The following IRAG2 variants were observed in gnomAD, a reference collection of about 807,000 sequenced individuals.
IRAG2 encodes lymphoid restricted membrane protein.
Under a neutral mutation model 69.9 loss-of-function variants are expected in IRAG2, and 45 were observed. The observed-to-expected ratio is 0.64, with a 90% CI of 0.51 to 0.83. The LOEUF is 0.83. Among genes scored for constraint, IRAG2 ranks in the 40% least tolerant of loss-of-function variants. The pLI is 0.00. For missense variants in IRAG2, 520 were observed against 587.0 expected (o/e 0.89, Z 1.18); for synonymous variants, 193 against 202.4 (o/e 0.95, Z 0.40).
chr12:25,106,815 C>T (rs948792465), intron 20 of IRAG2, 128 bp from the exon 21 acceptor site: 17 of 371,940 alleles, frequency 4.6e-5, no homozygotes, highest in African/African-American at 2.7e-4. Flanking sequence ...AGATATTTAT[C>T]GACTTTCCCT....
intron 12 of IRAG2, 37 bp from the exon 13 acceptor site, chr12:25,089,726 G>A (rs1271760138): frequency 8.1e-6 from 13 of 1,611,882 alleles, no homozygotes; most frequent in Non-Finnish European, 1.1e-5. Context: ...TTTTCTGTTG[G>A]ATTATGTTTA....
chr12:25,073,479 C>T (rs1315348778), intron 6 of IRAG2, among the ~76,000 whole-genome samples: 1 of 152,182 alleles, frequency 6.6e-6, no homozygotes, highest in Non-Finnish European at 1.5e-5. Context: ...CTCCTAAGAA[C>T]TTGAGATTTA....
intron 16 of IRAG2, among the ~76,000 whole-genome samples, chr12:25,043,749 C>T (rs925721799): frequency 6.6e-6 from 1 of 152,116 alleles, no homozygotes; most frequent in Non-Finnish European, 1.5e-5. Context: ...GGGATTTCTC[C>T]GGTATGAGAC....
intron 10 of IRAG2, 101 bp downstream of exon 10, chr12:25,083,594 T>G: frequency 1.4e-6 from 1 of 693,940 alleles, no homozygotes; most frequent in Non-Finnish European, 2.4e-6. Context: ...CATTTATCCT[T>G]TCAAAATATT....
intron 10 of IRAG2, chr12:25,030,389 T>C: frequency 8.6e-7 from 1 of 1,156,128 alleles, no homozygotes; most frequent in Non-Finnish European, 1.1e-6. Flanking sequence ...TCTCTCCAAA[T>C]CTGATTCTTT....
chr12:25,027,279 ACATTT>A (rs1295250990), intron 9 of IRAG2, among the ~76,000 whole-genome samples: 1 of 152,090 alleles, frequency 6.6e-6, no homozygotes, highest in Non-Finnish European at 1.5e-5. Flanking sequence ...TCTATTCTGG[ACATTT>A]CATATAAATT....
chr12:25,104,319 A>T, intron 19 of IRAG2, 42 bp from the exon 20 acceptor site: 1 of 1,233,222 alleles, frequency 8.1e-7, no homozygotes, highest in South Asian at 1.2e-5. Flanking sequence ...ATGGCTACAG[A>T]TGTATTTGAT....
intron 9 of IRAG2, among the ~76,000 whole-genome samples, chr12:25,082,569 C>T (rs1947292638): frequency 6.6e-6 from 1 of 150,838 alleles, no homozygotes; most frequent in South Asian, 2.1e-4. Flanking sequence ...CACTGCCCTC[C>T]AGCCTGGGTG....
chr12:25,082,088 C>T (rs1283947284), intron 9 of IRAG2, among the ~76,000 whole-genome samples: 1 of 152,010 alleles, frequency 6.6e-6, no homozygotes, highest in Admixed American at 6.5e-5. Flanking sequence ...AAGATGGGGT[C>T]TCACTATGTT....
intron 2 of IRAG2, 55 bp downstream of exon 2, chr12:25,061,708 G>A: frequency 2.5e-6 from 1 of 398,364 alleles, no homozygotes. Flanking sequence ...TTCAATTCAT[G>A]TAAGGTTTTG....
intron 7 of IRAG2, among the ~76,000 whole-genome samples, chr12:25,021,417 A>G (rs1565528037): frequency 6.6e-6 from 1 of 152,330 alleles, no homozygotes; most frequent in East Asian, 1.9e-4. Context: ...TGAATTAAAA[A>G]AAATCTGTGA....
At chr12:25,020,922 A>G in intron 7 of IRAG2, 1 of 1,181,230 alleles carries the variant, frequency 8.5e-7, no homozygotes, top group Non-Finnish European at 1.1e-6. Flanking sequence ...GTCATCTATT[A>G]TAGTACTTTG....
At chr12:25,008,470 G>A (rs983876329) in intron 2 of IRAG2, among the ~76,000 whole-genome samples, 1 of 152,140 alleles carries the variant, frequency 6.6e-6, no homozygotes, top group East Asian at 1.9e-4. Flanking sequence ...GGAGTGCAGT[G>A]CTTCAAGCCT....
At position 25,097,020 on chromosome 12, in the gene IRAG2, T is replaced by G. The variant is rs1355552818; in HGVS notation, c.717T>G (p.Ala239=). The G allele has an allele frequency of 6.2e-7, 1 of 1,611,508 alleles. No individual in the cohort carries two copies. Among genetic ancestry groups the G allele is most frequent in the African/African-American group, 1.3e-5 (1 of 74,780 alleles). The change falls in exon 15 of 22, where the codon GCT becomes GCG. Residue 239 remains alanine, a synonymous_variant. Transcript: ENST00000556887. ...GTGCAGCACGAGTGGCCAGTAGGGCTGAGATGTTGGGAGCCATCAATCAGG... is the reference window on the plus strand; with the variant it reads ...GTGCAGCACGAGTGGCCAGTAGGGCGGAGATGTTGGGAGCCATCAATCAGG... ...SQCAARVASR[A]EMLGAINQES...
chr12:25,088,590 C>T (rs1947807882), intron 11 of IRAG2, among the ~76,000 whole-genome samples: 1 of 152,188 alleles, frequency 6.6e-6, no homozygotes, highest in Non-Finnish European at 1.5e-5. Flanking sequence ...CAATCTCTGA[C>T]TAGCTATTGA....
the IRAG2 span, among the ~76,000 whole-genome samples, chr12:24,998,019 G>A: frequency 2.0e-5 from 3 of 152,182 alleles, no homozygotes; most frequent in Admixed American, 6.5e-5. Flanking sequence ...TTAGTGAAAC[G>A]CAGTGATGTA....
At chr12:25,071,539 G>A (rs567482285) in intron 6 of IRAG2, among the ~76,000 whole-genome samples, 1 of 152,150 alleles carries the variant, frequency 6.6e-6, no homozygotes, top group African/African-American at 2.4e-5. Flanking sequence ...TGTGTGCCAG[G>A]AACTTTGTAC....
chr12:25,002,905 G>C (rs952714219), upstream of IRAG2, among the ~76,000 whole-genome samples: 2 of 152,072 alleles, frequency 1.3e-5, no homozygotes, highest in African/African-American at 4.8e-5. Context: ...GCCTCCCAAA[G>C]TGTTGGGATT....
intron 6 of IRAG2, among the ~76,000 whole-genome samples, chr12:25,072,257 A>G (rs1449187072): frequency 2.0e-5 from 3 of 152,182 alleles, no homozygotes; most frequent in Non-Finnish European, 4.4e-5. Flanking sequence ...GCTAACAGAC[A>G]TCACAATCGA....
Sources: gnomAD v4.1 joint callset for allele counts (sites outside exome capture counted in the v4.1 genomes callset) on GRCh38, gnomAD v4.1.1 for gene constraint, MANE v1.5 for transcripts, NCBI Gene and HGNC (gene_info 2026-07-23, HGNC 2026-07-21) for gene names.